Variants in IL23R observed in about 807,000 individuals in gnomAD.
IL23R encodes interleukin-23 receptor.
Under a neutral mutation model 56.9 loss-of-function variants are expected in IL23R, and 34 were observed. The ratio of observed to expected loss-of-function variants is 0.60; its 90% CI spans 0.45 to 0.80. IL23R has a LOEUF of 0.80. Among genes scored for constraint, IL23R ranks in the 30% least tolerant of loss-of-function variants. The pLI is 0.00. For missense variants in IL23R, 635 were observed against 730.0 expected (o/e 0.87, Z 1.50); for synonymous variants, 230 against 249.2 (o/e 0.92, Z 0.73).
At chr1:67,183,299 C>T (rs1647183688) in intron 4 of IL23R, among the ~76,000 whole-genome samples, 1 of 152,156 alleles carries the variant, frequency 6.6e-6, no homozygotes, top group African/African-American at 2.4e-5. Flanking sequence ...CTTTGGGAGG[C>T]CAAGGTGGGT....
downstream of IL23R, among the ~76,000 whole-genome samples, chr1:67,261,177 C>T (rs1653191331): frequency 6.6e-6 from 1 of 151,356 alleles, no homozygotes; most frequent in South Asian, 2.1e-4. Context: ...GCCCTGGTTT[C>T]TGTCCATTGT....
intron 4 of IL23R, among the ~76,000 whole-genome samples, chr1:67,184,058 A>AC (rs1332596612): frequency 1.3e-5 from 2 of 151,630 alleles, no homozygotes; most frequent in African/African-American, 2.4e-5. Flanking sequence ...ACATGGTGAA[A>AC]CCCCATCTCT....
chr1:67,152,655 G>A (rs1475974827), intron 1 of IL23R, among the ~76,000 whole-genome samples: 2 of 152,160 alleles, frequency 1.3e-5, no homozygotes, highest in African/African-American at 2.4e-5. Context: ...TTTTTAACAT[G>A]AAGGGATGTT....
At chr1:67,246,106 T>C (rs2100350195) in intron 9 of IL23R, among the ~76,000 whole-genome samples, 1 of 152,348 alleles carries the variant, frequency 6.6e-6, no homozygotes, top group Middle Eastern at 3.4e-3. Context: ...ACAGAGGTAT[T>C]TATAGTATTC....
intron 6 of IL23R, among the ~76,000 whole-genome samples, chr1:67,213,708 A>G (rs1031185887): frequency 1.4e-4 from 22 of 152,218 alleles, no homozygotes; most frequent in Non-Finnish European, 2.9e-4. Context: ...GTAGTAGGCT[A>G]TACCACCCAG....
intron 6 of IL23R, among the ~76,000 whole-genome samples, chr1:67,213,244 T>C (rs888089653): frequency 7.2e-5 from 11 of 152,212 alleles, no homozygotes; most frequent in Non-Finnish European, 1.0e-4. Flanking sequence ...TAAGCCCTTA[T>C]ATCATGTGTT....
chr1:67,252,931 G>A (rs540674899), intron 9 of IL23R, among the ~76,000 whole-genome samples: 1 of 152,186 alleles, frequency 6.6e-6, no homozygotes, highest in Admixed American at 6.5e-5. Flanking sequence ...TCTATGAGTG[G>A]TTGAAGTATG....
intron 6 of IL23R, among the ~76,000 whole-genome samples, chr1:67,218,281 T>C (rs201784906): frequency 3.3e-5 from 4 of 121,426 alleles, no homozygotes; most frequent in South Asian, 2.9e-4. Flanking sequence ...CATATATATA[T>C]ATATACATAC....
At chr1:67,178,227 A>T (rs1647038420) in intron 3 of IL23R, among the ~76,000 whole-genome samples, 1 of 151,920 alleles carries the variant, frequency 6.6e-6, no homozygotes, top group African/African-American at 2.4e-5. Context: ...CATTTTCACG[A>T]TATTGATTCT....
intron 6 of IL23R, among the ~76,000 whole-genome samples, chr1:67,208,053 G>A (rs1008166974): frequency 6.6e-6 from 1 of 152,204 alleles, no homozygotes; most frequent in Non-Finnish European, 1.5e-5. Flanking sequence ...TTATGTTTTA[G>A]CAAAGAGACT....
intron 5 of IL23R, among the ~76,000 whole-genome samples, chr1:67,206,026 C>A (rs1649025886): frequency 6.9e-6 from 1 of 144,822 alleles, no homozygotes; most frequent in Non-Finnish European, 1.5e-5. Flanking sequence ...TCCTTTCTTT[C>A]TTTTTTGACA....
At chr1:67,260,211 C>A (rs1218449492), downstream of IL23R, among the ~76,000 whole-genome samples, 1 of 151,848 alleles carries the variant, frequency 6.6e-6, no homozygotes, top group Non-Finnish European at 1.5e-5. Context: ...CGCTGTGAAA[C>A]AATAATGTGT....
At chr1:67,153,425 G>T (rs1374520166) in intron 1 of IL23R, among the ~76,000 whole-genome samples, 1 of 151,974 alleles carries the variant, frequency 6.6e-6, no homozygotes, top group African/African-American at 2.4e-5. Flanking sequence ...TTTTTGAAGG[G>T]TTTTTTGTGT....
chr1:67,255,209 T>C (rs1427733291), intron 9 of IL23R, among the ~76,000 whole-genome samples: 1 of 152,194 alleles, frequency 6.6e-6, no homozygotes, highest in Non-Finnish European at 1.5e-5. Flanking sequence ...GGGAATCTTC[T>C]GGTTATGAGA....
chr1:67,158,373 T>G (rs1285123702), intron 1 of IL23R, among the ~76,000 whole-genome samples: 1 of 152,148 alleles, frequency 6.6e-6, no homozygotes, highest in East Asian at 1.9e-4. Flanking sequence ...AAACTTGTAA[T>G]GAAGTAGAAT....
intron 5 of IL23R, among the ~76,000 whole-genome samples, chr1:67,205,152 G>A (rs1648915468): frequency 6.6e-6 from 1 of 152,148 alleles, no homozygotes; most frequent in Non-Finnish European, 1.5e-5. Flanking sequence ...AGATGATAAA[G>A]GTTGAGTACA....
intron 4 of IL23R, among the ~76,000 whole-genome samples, chr1:67,189,991 C>T (rs1262769241): frequency 1.3e-5 from 2 of 152,094 alleles, no homozygotes; most frequent in African/African-American, 4.8e-5. Flanking sequence ...AAAAATCTTT[C>T]CCTCAAGGAG....
At chr1:67,264,884 A>G (rs1436127548), downstream of IL23R, among the ~76,000 whole-genome samples, 2 of 152,188 alleles carry the variant, frequency 1.3e-5, no homozygotes, top group South Asian at 2.1e-4. Context: ...CTTATTCTTA[A>G]ATGGTCCATT....
At position 67,201,889 on chromosome 1, in the gene IL23R, A is replaced by G. The variant is rs551065165; in HGVS notation, c.652+992A>G. Among the ~76,000 whole-genome samples, 214 of 152,284 alleles carry G rather than the reference A, an allele frequency of 1.4e-3. 1 individual carries two copies. The highest frequency in any genetic ancestry group is 2.5e-3 in the Non-Finnish European group (168 of 68,024). On this transcript the variant is annotated intron_variant, in intron 5 of 10. Coordinates refer to ENST00000347310, the MANE Select transcript of IL23R (RefSeq NM_144701.3). Reference sequence around the variant, plus strand: ...GTTTTATTTTTAATGTTGTCTGAATATATAGCAGTTTAATCCCTATTGTTG... The same window carrying G: ...GTTTTATTTTTAATGTTGTCTGAATGTATAGCAGTTTAATCCCTATTGTTG...
Sources: allele counts gnomAD v4.1 joint callset (sites outside exome capture counted in the v4.1 genomes callset), GRCh38; gene constraint gnomAD v4.1.1; transcripts MANE v1.5; gene names NCBI Gene and HGNC (gene_info 2026-07-23, HGNC 2026-07-21).